NUP98: variants seen among roughly 807,000 people sequenced by gnomAD.
NUP98 encodes nucleoporin 98 and 96 precursor, also known as nuclear pore complex protein Nup98-Nup96.
A neutral mutation model predicts 191.9 loss-of-function variants in NUP98; 26 were observed. The observed-to-expected ratio is 0.14, with a 90% CI of 0.10 to 0.19. NUP98 has a LOEUF of 0.19. Ranked by LOEUF, NUP98 falls within the 10% of genes least tolerant of loss-of-function variation. The probability of loss-of-function intolerance (pLI) is 1.00; values close to 1 mark genes in which losing one functional copy is unlikely to be tolerated. For missense variants in NUP98, 1,941 were observed against 2,178.8 expected, an observed-to-expected ratio of 0.89 and a Z score of 2.17; for synonymous variants, 808 against 778.4, an observed-to-expected ratio of 1.04 and a Z score of -0.63.
rs1312423340 is a variant in NUP98 at position 3,735,185 on chromosome 11, A to T, written c.1542+6T>A. On this transcript the variant is annotated splice_donor_region_variant and intron_variant, in intron 13 of 32. Transcript: ENST00000324932. ...TGATATTTTACAGAAGTATCCTTAA[A>T]TTTACCTCTTCCTTCTTCTTAGGGT... 1 of 1,574,492 alleles carries T rather than the reference A, an allele frequency of 6.4e-7. No individual in the cohort carries two copies. The highest frequency in any genetic ancestry group is 1.8e-4 in the Middle Eastern group (1 of 5,530).
At chr11:3,696,507 A>C (rs7128530) in intron 25 of NUP98, among the ~76,000 whole-genome samples, 3 of 151,332 alleles carry the variant, frequency 2.0e-5, no homozygotes, top group Non-Finnish European at 4.4e-5. Flanking sequence ...GTCTTGGTGC[A>C]GGGGGGAGGG....
intron 1 of NUP98, among the ~76,000 whole-genome samples, chr11:3,784,266 T>C (rs2082067903): frequency 6.6e-6 from 1 of 152,224 alleles, no homozygotes; most frequent in Admixed American, 6.6e-5. Flanking sequence ...CTGAAAAAGA[T>C]AAGGCTGTCC....
At chr11:3,710,657 C>T (rs1019802329) in intron 20 of NUP98, among the ~76,000 whole-genome samples, 7 of 152,124 alleles carry the variant, frequency 4.6e-5, no homozygotes, top group African/African-American at 7.2e-5. Flanking sequence ...TATACTCAAA[C>T]GGCACAAGTA....
At chr11:3,743,382 C>A (rs1490062284) in intron 12 of NUP98, among the ~76,000 whole-genome samples, 10 of 149,692 alleles carry the variant, frequency 6.7e-5, no homozygotes, top group Non-Finnish European at 1.5e-4. Context: ...CGTGGTGGCT[C>A]ACGCCTCTAA....
chr11:3,764,045 C>T (rs1299702302), intron 8 of NUP98, among the ~76,000 whole-genome samples: 7 of 152,174 alleles, frequency 4.6e-5, no homozygotes, highest in Admixed American at 6.5e-5. Context: ...TGGACTATTC[C>T]GTGATGTTCT....
rs34035817 is a variant in NUP98 at position 3,769,575 on chromosome 11, C to CAA, written c.785-833_785-832dup. On this transcript the variant is annotated intron_variant, in intron 7 of 32. Transcript: ENST00000324932. ...TGGTCAACAAAGTGGGATTCTGTCT[C>CAA]AAAAAAAAAAAAAAAAAAAAAAGCA... is the stretch of plus-strand genomic sequence containing the variant. Among the ~76,000 whole-genome samples the CAA allele has an allele frequency of 2.8e-3, 174 of 61,222 alleles. 1 individual carries two copies. The highest frequency in any genetic ancestry group is 5.8e-3 in the African/African-American group (102 of 17,438). 40.2% of individuals were successfully genotyped at this position (61,222 alleles called of 152,430 possible). A position where few individuals can be genotyped will look rare whatever the true frequency, so the allele number is the denominator to read the frequency against.
chr11:3,702,280 G>GACACACAC (rs537147629), intron 23 of NUP98, among the ~76,000 whole-genome samples, 183 bp downstream of exon 23: 75 of 108,470 alleles, frequency 6.9e-4, no homozygotes, highest in African/African-American at 1.5e-3. Context: ...GCAAAACTGA[G>GACACACAC]ACACACACAC....
chr11:3,700,143 C>A (rs1397267776), intron 24 of NUP98, among the ~76,000 whole-genome samples: 1 of 151,734 alleles, frequency 6.6e-6, no homozygotes, highest in Non-Finnish European at 1.5e-5. Context: ...ATCACGAGGT[C>A]AAGAGATCGA....
At chr11:3,706,657 G>A (rs2078871111) in intron 20 of NUP98, 30 bp from the exon 21 acceptor site, 1 of 1,586,890 alleles carries the variant, frequency 6.3e-7, no homozygotes, top group Non-Finnish European at 8.6e-7. Context: ...CAGGAAAGCA[G>A]CATTAAATTA....
chr11:3,680,768 G>A (rs1448345689), intron 30 of NUP98, among the ~76,000 whole-genome samples: 4 of 152,008 alleles, frequency 2.6e-5, no homozygotes, highest in African/African-American at 4.8e-5. Context: ...ACCTAATCTC[G>A]AACTACTGAG....
intron 14 of NUP98, among the ~76,000 whole-genome samples, chr11:3,727,289 C>CAAA (rs2079656122): frequency 6.6e-6 from 1 of 151,788 alleles, no homozygotes; most frequent in Non-Finnish European, 1.5e-5. Flanking sequence ...GACCTCATCT[C>CAAA]AAAACAAAAA....
intron 10 of NUP98, among the ~76,000 whole-genome samples, chr11:3,759,061 C>A (rs1258046760): frequency 6.6e-6 from 1 of 152,098 alleles, no homozygotes; most frequent in Non-Finnish European, 1.5e-5. Context: ...TGATCTCTTT[C>A]TCCAGTACAG....
intron 1 of NUP98, among the ~76,000 whole-genome samples, chr11:3,787,941 G>A (rs2082197696): frequency 6.6e-6 from 1 of 152,102 alleles, no homozygotes; most frequent in South Asian, 2.1e-4. Flanking sequence ...GCAGTGAGCC[G>A]AGATCGGGCC....
At chr11:3,690,453 G>C (rs183296864) in intron 28 of NUP98, among the ~76,000 whole-genome samples, 1 of 151,206 alleles carries the variant, frequency 6.6e-6, no homozygotes, top group Non-Finnish European at 1.5e-5. Flanking sequence ...GTAGAGACAG[G>C]GTTTCACTGT....
At chr11:3,711,885 G>C (rs1180559309) in intron 20 of NUP98, 1 of 1,036,256 alleles carries the variant, frequency 9.7e-7, no homozygotes, top group East Asian at 5.9e-5. Context: ...CATTTCAGCA[G>C]CCATAAGAAT....
chr11:3,681,778 G>A (rs555981850), intron 30 of NUP98, among the ~76,000 whole-genome samples: 1 of 152,128 alleles, frequency 6.6e-6, no homozygotes, highest in Non-Finnish European at 1.5e-5. Context: ...AATGGTAAAT[G>A]AGCTTCTGCT....
chr11:3,790,175 T>TA (rs1349009202), intron 1 of NUP98, among the ~76,000 whole-genome samples: 1 of 152,228 alleles, frequency 6.6e-6, no homozygotes, highest in East Asian at 1.9e-4. Flanking sequence ...TGAGTGACTG[T>TA]AACATTTACT....
At chr11:3,714,375 C>T (rs535239082) in intron 18 of NUP98, among the ~76,000 whole-genome samples, 2 of 152,166 alleles carry the variant, frequency 1.3e-5, no homozygotes, top group African/African-American at 4.8e-5. Context: ...ACAGCTACTA[C>T]CCATTTACTA....
chr11:3,738,049 T>C (rs1277860790), intron 12 of NUP98, among the ~76,000 whole-genome samples: 3 of 140,644 alleles, frequency 2.1e-5, no homozygotes, highest in African/African-American at 8.0e-5. Flanking sequence ...GTTGATCCCA[T>C]CGTTTAACAA....
Sources: allele counts gnomAD v4.1 joint callset (sites outside exome capture counted in the v4.1 genomes callset), GRCh38; gene constraint gnomAD v4.1.1; transcripts MANE v1.5; gene names NCBI Gene and HGNC (gene_info 2026-07-23, HGNC 2026-07-21).